The following BPTF variants were observed in gnomAD, a reference collection of about 807,000 sequenced individuals.
BPTF encodes nucleosome-remodeling factor subunit BPTF.
Under a neutral mutation model 292.5 loss-of-function variants are expected in BPTF, and 18 were observed. The observed-to-expected ratio is 0.06, with a 90% CI of 0.04 to 0.09. The LOEUF (loss-of-function observed/expected upper bound fraction) is 0.09, where lower values mean the gene tolerates loss of function less well. Among genes scored for constraint, BPTF ranks in the 10% least tolerant of loss-of-function variants. The probability of loss-of-function intolerance (pLI) is 1.00; values close to 1 mark genes in which losing one functional copy is unlikely to be tolerated. For synonymous variants in BPTF, 1,225 were observed against 1,251.9 expected (o/e 0.98, Z 0.45); for missense variants, 2,726 against 3,498.7 (o/e 0.78, Z 5.57).
chr17:67,961,254 A>T (rs2067455225), intron 24 of BPTF, among the ~76,000 whole-genome samples: 1 of 152,106 alleles, frequency 6.6e-6, no homozygotes, highest in African/African-American at 2.4e-5. Flanking sequence ...TTCCATCGAG[A>T]TTGCCTCATT....
chr17:67,861,853 T>C (rs1399119762), intron 2 of BPTF, among the ~76,000 whole-genome samples: 4 of 152,232 alleles, frequency 2.6e-5, no homozygotes, highest in Admixed American at 2.6e-4. Flanking sequence ...TCTTGAGGTC[T>C]CAGCCTATTT....
At chr17:67,962,392 GAC>G (rs1311572576) in intron 24 of BPTF, among the ~76,000 whole-genome samples, 18 of 152,162 alleles carry the variant, frequency 1.2e-4, no homozygotes, top group African/African-American at 3.9e-4. Context: ...AACACTTATA[GAC>G]ACACTGTGTA....
At chr17:67,862,631 T>A (rs1233114626) in intron 2 of BPTF, among the ~76,000 whole-genome samples, 1 of 152,202 alleles carries the variant, frequency 6.6e-6, no homozygotes, top group African/African-American at 2.4e-5. Context: ...GCTGAATTGC[T>A]AGTTTTATCA....
chr17:67,944,930 G>T, intron 20 of BPTF, among the ~76,000 whole-genome samples: 1 of 100,776 alleles, frequency 9.9e-6, no homozygotes, highest in East Asian at 3.2e-4. Flanking sequence ...CAAGAAGCAG[G>T]GCCCAGGCTT....
At chr17:67,900,682 C>G (rs1336089382) in intron 7 of BPTF, among the ~76,000 whole-genome samples, 1 of 151,968 alleles carries the variant, frequency 6.6e-6, no homozygotes, top group Admixed American at 6.6e-5. Flanking sequence ...GGAGGTTTGA[C>G]CAAAACGATA....
intron 23 of BPTF, chr17:67,951,040 C>T (rs560764752): frequency 6.6e-6 from 1 of 152,114 alleles, no homozygotes; most frequent in East Asian, 1.9e-4. Flanking sequence ...AACTCCTGGC[C>T]TCAAGTAATC....
At chr17:67,937,605 C>T in intron 18 of BPTF, among the ~76,000 whole-genome samples, 1 of 152,088 alleles carries the variant, frequency 6.6e-6, no homozygotes, top group East Asian at 1.9e-4. Context: ...GAAAAAGAAA[C>T]AGCAAATGCA....
At chr17:67,863,542 T>C (rs1176561457) in intron 2 of BPTF, among the ~76,000 whole-genome samples, 4 of 152,184 alleles carry the variant, frequency 2.6e-5, no homozygotes, top group Admixed American at 2.0e-4. Context: ...CCTTGGCCTC[T>C]CAAAGTTCTA....
chr17:67,861,042 G>A (rs1433381199), intron 2 of BPTF, among the ~76,000 whole-genome samples: 7 of 152,116 alleles, frequency 4.6e-5, no homozygotes, highest in Non-Finnish European at 7.4e-5. Context: ...GGACCTGTCC[G>A]CAAGGCAGGC....
intron 26 of BPTF, among the ~76,000 whole-genome samples, chr17:67,968,975 C>T (rs2068453434): frequency 6.7e-6 from 1 of 149,210 alleles, no homozygotes; most frequent in African/African-American, 2.5e-5. Context: ...AAGCGAAACT[C>T]CATCTCAAAA....
chr17:67,942,320 A>G (rs895806100), intron 19 of BPTF, among the ~76,000 whole-genome samples: 2 of 6,786 alleles, frequency 2.9e-4, no homozygotes, highest in Non-Finnish European at 6.0e-3. Flanking sequence ...AAAAAAAGAA[A>G]AACAAAAAAA....
chr17:67,982,046 T>C, intron 27 of BPTF: 2 of 295,816 alleles, frequency 6.8e-6, no homozygotes, highest in Non-Finnish European at 1.3e-5. Flanking sequence ...CTTTTTCCAG[T>C]GAGCTATTAT....
At chr17:67,873,365 G>A (rs2059865368) in intron 3 of BPTF, among the ~76,000 whole-genome samples, 1 of 151,668 alleles carries the variant, frequency 6.6e-6, no homozygotes, top group South Asian at 2.1e-4. Context: ...GGCTGGGGCA[G>A]GAGAATTGCT....
intron 1 of BPTF, among the ~76,000 whole-genome samples, chr17:67,826,751 C>G (rs1479223882): frequency 6.6e-6 from 1 of 152,108 alleles, no homozygotes; most frequent in Non-Finnish European, 1.5e-5. Context: ...AACCTCTTTG[C>G]ATTTCTAATG....
intron 24 of BPTF, among the ~76,000 whole-genome samples, chr17:67,960,661 T>C (rs2148320424): frequency 6.6e-6 from 1 of 152,370 alleles, no homozygotes; most frequent in South Asian, 2.1e-4. Context: ...TTAACCACCA[T>C]ACTTTTTACA....
Position 67,826,205 on chromosome 17 carries a change from G to C in BPTF, c.481G>C (p.Asp161His). 1 of 1,613,058 alleles carries C rather than the reference G, an allele frequency of 6.2e-7. No individual in the cohort carries two copies. Among genetic ancestry groups the C allele is most frequent in the Non-Finnish European group, 8.5e-7 (1 of 1,179,126 alleles). The stretch of plus-strand genomic sequence containing the variant: ...CGAGGAGACCCAGGATTCTGAGGAC[G>C]ACGAGGAGGATGAGATGGAAGAGGA... Reference protein sequence around the residue: ...DAEETQDSEDDEEDEMEEDDD... With the variant: ...DAEETQDSEDHEEDEMEEDDD... Residue 161 changes from aspartate (D) to histidine (H), a missense_variant, in exon 1 of 28, where the codon GAC (aspartate) becomes CAC (histidine). Transcript: ENST00000306378.
chr17:67,937,970 C>T (rs1206138102), intron 18 of BPTF, among the ~76,000 whole-genome samples: 3 of 151,934 alleles, frequency 2.0e-5, no homozygotes, highest in Admixed American at 6.6e-5. Flanking sequence ...AAAAAATAGC[C>T]GGGCATGGTG....
At chr17:67,970,923 C>T (rs1555690471) in intron 26 of BPTF, among the ~76,000 whole-genome samples, 1 of 152,150 alleles carries the variant, frequency 6.6e-6, no homozygotes, top group East Asian at 1.9e-4. Flanking sequence ...TCTAAGAAAA[C>T]AGTCTCCAGG....
intron 15 of BPTF, among the ~76,000 whole-genome samples, chr17:67,925,062 T>C (rs572912470): frequency 6.6e-6 from 1 of 151,672 alleles, no homozygotes; most frequent in African/African-American, 2.4e-5. Flanking sequence ...TTTTTTTTTT[T>C]TTTTTTTTTT....
Sources: allele counts gnomAD v4.1 joint callset (sites outside exome capture counted in the v4.1 genomes callset), GRCh38; gene constraint gnomAD v4.1.1; transcripts MANE v1.5; gene names NCBI Gene and HGNC (gene_info 2026-07-23, HGNC 2026-07-21).